Variants in ABL2 observed in about 807,000 individuals in gnomAD.
ABL2 encodes ABL proto-oncogene 2, non-receptor tyrosine kinase.
Under a neutral mutation model 107.7 loss-of-function variants are expected in ABL2, and 49 were observed. The observed-to-expected ratio is 0.45, with a 90% CI of 0.36 to 0.58. The LOEUF (loss-of-function observed/expected upper bound fraction) is 0.58, where lower values mean the gene tolerates loss of function less well. Ranked by LOEUF, ABL2 falls within the 20% of genes least tolerant of loss-of-function variation. The probability of loss-of-function intolerance (pLI) is 0.00; values close to 1 mark genes in which losing one functional copy is unlikely to be tolerated. For missense variants in ABL2, 1,245 were observed against 1,457.0 expected (o/e 0.85, Z 2.37); for synonymous variants, 549 against 548.6 (o/e 1.00, Z -0.01).
intron 1 of ABL2, among the ~76,000 whole-genome samples, chr1:179,210,363 GGGCGT>G: frequency 6.6e-6 from 1 of 151,604 alleles, no homozygotes; most frequent in African/African-American, 2.4e-5. Context: ...AAAATTAGCT[GGGCGT>G]GGTGGTGCAC....
At chr1:179,192,656 G>T (rs891104704) in intron 1 of ABL2, among the ~76,000 whole-genome samples, 2 of 152,156 alleles carry the variant, frequency 1.3e-5, no homozygotes, top group Non-Finnish European at 2.9e-5. Flanking sequence ...TTACTTATGT[G>T]CCAGACATAA....
intron 1 of ABL2, among the ~76,000 whole-genome samples, chr1:179,149,483 G>A (rs1203128291): frequency 6.6e-6 from 1 of 152,232 alleles, no homozygotes; most frequent in South Asian, 2.1e-4. Flanking sequence ...CAGATTTTCA[G>A]TGTAGATGAA....
intron 1 of ABL2, among the ~76,000 whole-genome samples, chr1:179,226,595 C>T (rs934564833): frequency 6.6e-6 from 1 of 152,256 alleles, no homozygotes; most frequent in African/African-American, 2.4e-5. Context: ...GCGTGAGCCA[C>T]CGCACCTGGC....
chr1:179,136,916 CAA>C (rs33980980), intron 1 of ABL2, among the ~76,000 whole-genome samples: 7 of 110,058 alleles, frequency 6.4e-5, no homozygotes, highest in Admixed American at 1.9e-4. Flanking sequence ...GACCCTGTCT[CAA>C]AAAAAAAAAA....
Position 179,104,832 on chromosome 1 carries a change from A to G in ABL2, c.*2886T>C. ...TAGAAAACTGTCAACGCCTTGGACAAGGGCCTTTGCTCATTGCTTTTAGAA... is the reference window on the plus strand; with the variant it reads ...TAGAAAACTGTCAACGCCTTGGACAGGGGCCTTTGCTCATTGCTTTTAGAA... On this transcript the variant is annotated 3_prime_UTR_variant, in exon 12 of 12. Transcript: ENST00000502732. 1 of 218,842 alleles carries G rather than the reference A, an allele frequency of 4.6e-6. No homozygotes were observed. The highest frequency in any genetic ancestry group is 9.2e-6 in the Non-Finnish European group (1 of 109,034). 13.6% of individuals were successfully genotyped at this position (218,842 alleles called of 1,614,324 possible).
At chr1:179,143,008 A>G in intron 1 of ABL2, 1 of 1,614,206 alleles carries the variant, frequency 6.2e-7, no homozygotes, top group Non-Finnish European at 8.5e-7. Context: ...TCTCTGCCAT[A>G]ACTATTAGGT....
At chr1:179,144,766 C>T (rs1657874640) in intron 1 of ABL2, among the ~76,000 whole-genome samples, 1 of 151,862 alleles carries the variant, frequency 6.6e-6, no homozygotes. Context: ...CATCAAGGGA[C>T]AAATAAAAGA....
intron 1 of ABL2, among the ~76,000 whole-genome samples, chr1:179,153,264 A>G (rs1658474226): frequency 1.3e-5 from 2 of 152,138 alleles, no homozygotes; most frequent in Admixed American, 6.6e-5. Context: ...AGTCATTCAC[A>G]TACAATTCTT....
intron 1 of ABL2, among the ~76,000 whole-genome samples, chr1:179,185,869 A>G (rs1660657635): frequency 6.6e-6 from 1 of 152,162 alleles, no homozygotes; most frequent in African/African-American, 2.4e-5. Flanking sequence ...CATTAACTTG[A>G]AATACTTAAT....
chr1:179,143,012 A>C (rs1354615618), intron 1 of ABL2: 1 of 1,614,190 alleles, frequency 6.2e-7, no homozygotes, highest in Non-Finnish European at 8.5e-7. Flanking sequence ...TGCCATAACT[A>C]TTAGGTGGAA....
chr1:179,139,582 C>T (rs1657383696), intron 1 of ABL2, among the ~76,000 whole-genome samples: 1 of 152,184 alleles, frequency 6.6e-6, no homozygotes, highest in African/African-American at 2.4e-5. Flanking sequence ...ATTGGCACTG[C>T]CTTCAAAAAT....
Position 179,214,365 on chromosome 1 carries a change from G to A in ABL2, c.157+14876C>T, listed in dbSNP as rs535688363. Among the ~76,000 whole-genome samples, 177 of 151,836 alleles carry A rather than the reference G, an allele frequency of 1.2e-3. 3 individuals are homozygous for A. Among genetic ancestry groups the A allele is most frequent in the Admixed American group, 0.011 (171 of 15,228 alleles). ...TCCTAAAGATCTTTGGAAGATATAA[G>A]ATGCAACATCTAAATAAAATTTTAA... On this transcript the variant is annotated intron_variant, in intron 1 of 11. Transcript: ENST00000502732.
chr1:179,134,471 G>A (rs1656649093), intron 1 of ABL2, among the ~76,000 whole-genome samples: 1 of 152,148 alleles, frequency 6.6e-6, no homozygotes, highest in Non-Finnish European at 1.5e-5. Flanking sequence ...AACCGGGATG[G>A]CGTTTGCCTT....
At chr1:179,117,680 T>C (rs149046807) in intron 7 of ABL2, among the ~76,000 whole-genome samples, 164 bp from the exon 8 acceptor site, 12 of 152,340 alleles carry the variant, frequency 7.9e-5, no homozygotes, top group African/African-American at 2.9e-4. Flanking sequence ...ACTAATGATA[T>C]GTCACTGTAG....
intron 1 of ABL2, 74 bp downstream of exon 1, chr1:179,229,167 T>TCCCCCCCCCCCCCCCCCCCCCCCCC: frequency 2.5e-6 from 1 of 402,572 alleles, no homozygotes; most frequent in Non-Finnish European, 4.6e-6. Context: ...GGGCAGCCCG[T>TCCCCCCCCCCCCCCCCCCCCCCCCC]CCGCCACCCA....
chr1:179,179,461 T>G (rs1660240544), intron 1 of ABL2, among the ~76,000 whole-genome samples: 1 of 135,782 alleles, frequency 7.4e-6, no homozygotes, highest in Non-Finnish European at 1.6e-5. Context: ...TCTTAAAGGG[T>G]TTTTTTTTTG....
At chr1:179,122,007 G>C in intron 4 of ABL2, 140 bp from the exon 5 acceptor site, 1 of 811,630 alleles carries the variant, frequency 1.2e-6, no homozygotes, top group Non-Finnish European at 1.8e-6. Flanking sequence ...CTCACTGCAA[G>C]CTCCGCCTCC....
intron 11 of ABL2, among the ~76,000 whole-genome samples, chr1:179,109,688 G>A (rs529352593): frequency 6.6e-6 from 1 of 152,090 alleles, no homozygotes; most frequent in Non-Finnish European, 1.5e-5. Context: ...CAGCACTTTG[G>A]GGGGCTGAGG....
rs1168280042 is a variant in ABL2 at position 179,110,349 on chromosome 1, C to T, written c.1758G>A (p.Val586=). The change falls in exon 11 of 12, where the codon GTG becomes GTA. Residue 586 remains valine, a synonymous_variant. Transcript: ENST00000502732. ...CCCCTTCAATGTTCTCCTTGTTCTC[C>T]ACCTGTTTCTTCAGTGTCCGAGTCT... is the stretch of plus-strand genomic sequence containing the variant. ...PSKTRTLKKQ[V]ENKENIEGAQ... The T allele has an allele frequency of 6.2e-7, 1 of 1,614,178 alleles. No homozygotes were observed. The highest frequency in any genetic ancestry group is 8.5e-7 in the Non-Finnish European group (1 of 1,180,032).
Sources: gnomAD v4.1 joint callset for allele counts (sites outside exome capture counted in the v4.1 genomes callset) on GRCh38, gnomAD v4.1.1 for gene constraint, MANE v1.5 for transcripts, NCBI Gene and HGNC (gene_info 2026-07-23, HGNC 2026-07-21) for gene names.